GFPT1: variants seen among roughly 807,000 people sequenced by gnomAD.
GFPT1 encodes the protein glutamine--fructose-6-phosphate aminotransferase [isomerizing] 1.
A neutral mutation model predicts 92.0 loss-of-function variants in GFPT1; 40 were observed. The observed-to-expected ratio is 0.43, with a 90% confidence interval of 0.34 to 0.57. GFPT1 has a LOEUF of 0.57. Ranked by LOEUF, GFPT1 falls within the 20% of genes least tolerant of loss-of-function variation. GFPT1 has a pLI of 0.02. For missense variants in GFPT1, 448 were observed against 869.1 expected (o/e 0.52, Z 6.09); for synonymous variants, 269 against 280.6 (o/e 0.96, Z 0.41).
chr2:69,348,810 C>T (rs1671141719), intron 10 of GFPT1, among the ~76,000 whole-genome samples: 1 of 152,192 alleles, frequency 6.6e-6, no homozygotes, highest in Middle Eastern at 3.2e-3. Context: ...AAAGATTTCT[C>T]CTTCACTCAA....
At chr2:69,369,209 A>T (rs146072848) in intron 3 of GFPT1, among the ~76,000 whole-genome samples, 48 of 152,292 alleles carry the variant, frequency 3.2e-4, no homozygotes, top group African/African-American at 1.1e-3. Context: ...TAATTCGTTA[A>T]ACAAGTACTA....
rs76375912 is a variant in GFPT1, at chr2:69,360,352, T to C, written c.350-1026A>G. Among the ~76,000 whole-genome samples the C allele has an allele frequency of 2.4e-3, 340 of 139,894 alleles. 3 individuals are homozygous for C. The highest frequency in any genetic ancestry group is 3.9e-3 in the Non-Finnish European group (256 of 65,424). 91.8% of individuals were successfully genotyped at this position (139,894 alleles called of 152,430 possible). On this transcript the variant is annotated intron_variant, in intron 4 of 19. Transcript: ENST00000357308. Reference sequence around the variant, plus strand: ...TCAAAAAAAAAAAAAAAAAAAAAAATCCTACCAATCCTGGATTTATTATTC... The same window carrying C: ...TCAAAAAAAAAAAAAAAAAAAAAAACCCTACCAATCCTGGATTTATTATTC...
intron 10 of GFPT1, among the ~76,000 whole-genome samples, chr2:69,349,664 C>T (rs1442945945): frequency 6.6e-6 from 1 of 152,112 alleles, no homozygotes; most frequent in African/African-American, 2.4e-5. Context: ...CAAATTAATT[C>T]TAAATGTAAA....
chr2:69,367,673 T>C (rs1419756860), intron 3 of GFPT1, among the ~76,000 whole-genome samples: 3 of 152,190 alleles, frequency 2.0e-5, no homozygotes, highest in Non-Finnish European at 4.4e-5. Context: ...CACAACTTAT[T>C]ATATCATCCC....
At chr2:69,364,661 T>C (rs1230410008) in intron 3 of GFPT1, among the ~76,000 whole-genome samples, 1 of 152,234 alleles carries the variant, frequency 6.6e-6, no homozygotes, top group East Asian at 1.9e-4. Flanking sequence ...AGTATGGGGC[T>C]ACTGGGAAAT....
chr2:69,347,590 G>A (rs895713766), intron 11 of GFPT1, among the ~76,000 whole-genome samples: 1 of 151,038 alleles, frequency 6.6e-6, no homozygotes, highest in Non-Finnish European at 1.5e-5. Flanking sequence ...CCATTCTCCT[G>A]CCTCAGCCTC....
At chr2:69,385,755 C>A (rs1318933167) in intron 1 of GFPT1, among the ~76,000 whole-genome samples, 1 of 152,128 alleles carries the variant, frequency 6.6e-6, no homozygotes, top group Non-Finnish European at 1.5e-5. Flanking sequence ...TAAGTAGACA[C>A]TGCAAAAGTC....
rs565255342 is a variant in GFPT1 at position 69,326,046 on chromosome 2, G to A, written c.*143C>T. ...TAACTTCACAAAAATCACATATTGA[G>A]TGGAATAATTATAACTGATATATAA... On this transcript the variant is annotated 3_prime_UTR_variant, in exon 20 of 20. Transcript: ENST00000357308. The A allele has an allele frequency of 1.6e-6, 1 of 611,768 alleles. No homozygotes were observed. The highest frequency in any genetic ancestry group is 2.9e-6 in the Non-Finnish European group (1 of 345,584). The allele number at this position is 611,768 out of a possible 1,614,324, so 37.9% of individuals were successfully genotyped here.
chr2:69,348,461 T>C, intron 10 of GFPT1, 127 bp from the exon 11 acceptor site: 1 of 823,130 alleles, frequency 1.2e-6, no homozygotes, highest in East Asian at 2.5e-5. Flanking sequence ...CTCAGAGAAT[T>C]TTCTGGTTAC....
intron 2 of GFPT1, among the ~76,000 whole-genome samples, chr2:69,370,695 G>A (rs1385947096): frequency 2.0e-5 from 3 of 152,110 alleles, no homozygotes; most frequent in Non-Finnish European, 2.9e-5. Context: ...AAATGAAGAG[G>A]ACCTGAACTA....
intron 1 of GFPT1, among the ~76,000 whole-genome samples, chr2:69,376,204 A>G (rs1433907369): frequency 1.3e-5 from 2 of 152,242 alleles, no homozygotes; most frequent in Non-Finnish European, 2.9e-5. Flanking sequence ...AATCTTTTCT[A>G]AAACAATACT....
rs1370836247 is a variant in GFPT1, at chr2:69,319,790, A to G, written c.*6399T>C. On this transcript the variant is annotated 3_prime_UTR_variant, in exon 20 of 20. Transcript: ENST00000357308. ...AATTAATAATAAATATTGGATTTAC[A>G]TTTTATTCAAAGGATAAATACAAAA... is the stretch of plus-strand genomic sequence containing the variant. The G allele has an allele frequency of 6.6e-6, 1 of 152,252 alleles. No homozygotes were observed. The highest frequency in any genetic ancestry group is 1.5e-5 in the Non-Finnish European group (1 of 68,040). 9.4% of individuals were successfully genotyped at this position (152,252 alleles called of 1,614,324 possible). A position where few individuals can be genotyped will look rare whatever the true frequency, so the allele number is the denominator to read the frequency against.
At chr2:69,372,216 A>AAG (rs1558776726) in intron 2 of GFPT1, among the ~76,000 whole-genome samples, 1 of 150,986 alleles carries the variant, frequency 6.6e-6, no homozygotes, top group South Asian at 2.1e-4. Flanking sequence ...AAAAAAAAAA[A>AAG]AAGAAGATTG....
chr2:69,326,243 G>GAAAAAAAAAAAAAAA lies in GFPT1; in HGVS notation c.2056-11_2056-10insTTTTTTTTTTTTTTT. 7.4e-7 allele frequency: 1 copy of GAAAAAAAAAAAAAAA among 1,346,802 alleles called. No individual in the cohort carries two copies. The highest frequency in any genetic ancestry group is 1.0e-6 in the Non-Finnish European group (1 of 974,836). The allele number at this position is 1,346,802 out of a possible 1,614,324, so 83.4% of individuals were successfully genotyped here. A position where few individuals can be genotyped will look rare whatever the true frequency, so the allele number is the denominator to read the frequency against. On this transcript the variant is annotated splice_polypyrimidine_tract_variant and intron_variant, in intron 19 of 19. Coordinates refer to ENST00000357308, the MANE Select transcript of GFPT1 (RefSeq NM_001244710.2). ...TCCGTGGGAAATCAACCTGCAAAAAGAAAAAAAAAAAAAGCAAGATTTGAG... is the reference window on the plus strand; with the variant it reads ...TCCGTGGGAAATCAACCTGCAAAAAGAAAAAAAAAAAAAAAAAAAAAAAAAAAAGCAAGATTTGAG...
intron 12 of GFPT1, among the ~76,000 whole-genome samples, chr2:69,342,905 C>T (rs1236558306): frequency 6.6e-6 from 1 of 152,194 alleles, no homozygotes; most frequent in Admixed American, 6.5e-5. Flanking sequence ...TCCCCTAATG[C>T]TTCAGTCAAA....
intron 1 of GFPT1, among the ~76,000 whole-genome samples, chr2:69,374,722 CA>C (rs1426971108): frequency 2.0e-5 from 3 of 152,076 alleles, no homozygotes; most frequent in Admixed American, 6.5e-5. Context: ...GTCCTATATA[CA>C]GAGCATTTCG....
At chr2:69,342,590 T>C (rs1450722262) in intron 12 of GFPT1, among the ~76,000 whole-genome samples, 3 of 152,264 alleles carry the variant, frequency 2.0e-5, no homozygotes, top group Non-Finnish European at 4.4e-5. Flanking sequence ...AACAGATCAT[T>C]AGATGTAGAG....
chr2:69,336,339 C>CAAAAAAAAAAAAA (rs61141681), intron 15 of GFPT1, among the ~76,000 whole-genome samples: 3 of 97,960 alleles, frequency 3.1e-5, no homozygotes, highest in Admixed American at 1.3e-4. Context: ...AGTCTGTCTC[C>CAAAAAAAAAAAAA]AAAAAAAAAA....
chr2:69,353,896 C>T (rs2104646857), intron 9 of GFPT1, among the ~76,000 whole-genome samples: 1 of 152,248 alleles, frequency 6.6e-6, no homozygotes, highest in African/African-American at 2.4e-5. Flanking sequence ...AAAAGTTAGC[C>T]TAAATGATTC....
Sources: gnomAD v4.1 joint callset for allele counts (sites outside exome capture counted in the v4.1 genomes callset) on GRCh38, gnomAD v4.1.1 for gene constraint, MANE v1.5 for transcripts, NCBI Gene and HGNC (gene_info 2026-07-23, HGNC 2026-07-21) for gene names.